The following HMGA2 variants were observed in gnomAD, a reference collection of about 807,000 sequenced individuals.
HMGA2 encodes high mobility group protein HMGI-C.
In HMGA2, 8 loss-of-function variants were observed where a neutral mutation model predicts 19.1. That is an observed-to-expected ratio of 0.42 (90% confidence interval 0.25 to 0.76). HMGA2 has a LOEUF of 0.76. Among genes scored for constraint, HMGA2 ranks in the 30% least tolerant of loss-of-function variants. The pLI is 0.28. For missense variants in HMGA2, 109 were observed against 136.3 expected (o/e 0.80, Z 1.00); for synonymous variants, 60 against 48.8 (o/e 1.23, Z -0.96).
At chr12:65,859,969 T>G in intron 3 of HMGA2, 1 of 425,894 alleles carries the variant, frequency 2.3e-6, no homozygotes, top group Admixed American at 2.6e-5. Context: ...GGCACACACC[T>G]ATAGTCCCAG....
chr12:65,951,458 A>T (rs1270519929), intron 4 of HMGA2, 43 bp downstream of exon 4: 4 of 1,249,200 alleles, frequency 3.2e-6, no homozygotes, highest in Middle Eastern at 1.8e-4. Flanking sequence ...TTAATATAAA[A>T]AGTGAAATAT....
At chr12:65,935,343 C>T (rs1045168609) in intron 3 of HMGA2, among the ~76,000 whole-genome samples, 2 of 152,188 alleles carry the variant, frequency 1.3e-5, no homozygotes, top group Non-Finnish European at 2.9e-5. Context: ...GGCTGCTTAA[C>T]ATTTGCTCGA....
chr12:65,872,062 C>T (rs1189318738), intron 3 of HMGA2, among the ~76,000 whole-genome samples: 1 of 152,110 alleles, frequency 6.6e-6, no homozygotes, highest in Non-Finnish European at 1.5e-5. Flanking sequence ...AGGATGCCAG[C>T]CAAATGAAAC....
At chr12:65,887,536 C>T (rs1219012358) in intron 3 of HMGA2, among the ~76,000 whole-genome samples, 2 of 152,062 alleles carry the variant, frequency 1.3e-5, no homozygotes, top group Non-Finnish European at 2.9e-5. Flanking sequence ...GCCTGGCCAA[C>T]ACAGTGAAAC....
At chr12:65,952,520 A>T in intron 4 of HMGA2, 1 of 1,442,922 alleles carries the variant, frequency 6.9e-7, no homozygotes, top group East Asian at 2.5e-5. Flanking sequence ...ATAAAAACAG[A>T]GTTACCATGA....
chr12:65,872,526 T>C (rs776453581), intron 3 of HMGA2, among the ~76,000 whole-genome samples: 1 of 152,238 alleles, frequency 6.6e-6, no homozygotes, highest in African/African-American at 2.4e-5. Flanking sequence ...AGTGCCATCA[T>C]ACACCCGGTC....
intron 3 of HMGA2, chr12:65,857,461 C>G (rs1871800614): frequency 6.6e-6 from 1 of 152,148 alleles, no homozygotes; most frequent in African/African-American, 2.4e-5. Context: ...GTAATAAAGT[C>G]TAGAATAAAA....
chr12:65,900,133 A>G (rs1428706780), intron 3 of HMGA2, among the ~76,000 whole-genome samples: 1 of 152,184 alleles, frequency 6.6e-6, no homozygotes, highest in African/African-American at 2.4e-5. Context: ...AAATTAGGTC[A>G]TGTTTACTCT....
intron 3 of HMGA2, among the ~76,000 whole-genome samples, chr12:65,869,340 A>G (rs1363235679): frequency 1.3e-5 from 2 of 152,206 alleles, no homozygotes; most frequent in African/African-American, 2.4e-5. Flanking sequence ...GTATTTCAGG[A>G]ACCCTACCCA....
intron 4 of HMGA2, chr12:65,955,306 T>A (rs1876575077): frequency 6.6e-6 from 1 of 152,078 alleles, no homozygotes; most frequent in African/African-American, 2.4e-5. Flanking sequence ...TTTCTTTTTT[T>A]AAAAAAAGAA....
chr12:65,913,771 G>C (rs1470844200), intron 3 of HMGA2, among the ~76,000 whole-genome samples: 1 of 152,094 alleles, frequency 6.6e-6, no homozygotes, highest in Non-Finnish European at 1.5e-5. Context: ...GGGGTTCATG[G>C]GACCTGTCTC....
intron 3 of HMGA2, among the ~76,000 whole-genome samples, chr12:65,926,343 C>T (rs1208345786): frequency 6.6e-6 from 1 of 152,218 alleles, no homozygotes; most frequent in East Asian, 1.9e-4. Flanking sequence ...TTGGCAATTA[C>T]TCCAGTTACC....
intron 3 of HMGA2, chr12:65,942,694 C>T (rs1876130912): frequency 6.6e-6 from 1 of 152,156 alleles, no homozygotes; most frequent in South Asian, 2.1e-4. Flanking sequence ...CAACCATCTC[C>T]TGTAAAACAA....
At chr12:65,848,712 C>T (rs1008131752) in intron 3 of HMGA2, among the ~76,000 whole-genome samples, 26 of 152,050 alleles carry the variant, frequency 1.7e-4, no homozygotes, top group African/African-American at 6.0e-4. Context: ...AAAAATTAGC[C>T]GGGCGCGGTG....
chr12:65,853,925 T>C (rs1871599934), intron 3 of HMGA2, among the ~76,000 whole-genome samples: 1 of 152,238 alleles, frequency 6.6e-6, no homozygotes, highest in African/African-American at 2.4e-5. Context: ...CCAGACACTG[T>C]AGTTAATCTA....
intron 3 of HMGA2, among the ~76,000 whole-genome samples, chr12:65,944,414 C>A (rs1876190476): frequency 6.6e-6 from 1 of 152,142 alleles, no homozygotes; most frequent in African/African-American, 2.4e-5. Flanking sequence ...AGTCCTGGTG[C>A]TCTGGAAGAA....
chr12:65,881,418 C>T (rs535297590), intron 3 of HMGA2: 13 of 362,868 alleles, frequency 3.6e-5, no homozygotes, highest in Non-Finnish European at 5.0e-5. Flanking sequence ...GGGTTAATCA[C>T]GTGCTTGCTG....
chr12:65,875,472 G>C (rs1655972552), intron 3 of HMGA2, among the ~76,000 whole-genome samples: 1 of 151,976 alleles, frequency 6.6e-6, no homozygotes, highest in South Asian at 2.1e-4. Flanking sequence ...TGCCCAGGCT[G>C]GAGTGCAGTG....
chr12:65,942,943 T>C (rs1876139517), intron 3 of HMGA2, among the ~76,000 whole-genome samples: 1 of 152,228 alleles, frequency 6.6e-6, no homozygotes, highest in Non-Finnish European at 1.5e-5. Context: ...GGAATTTTTT[T>C]TCAGTGACCT....
Sources: allele counts gnomAD v4.1 joint callset (sites outside exome capture counted in the v4.1 genomes callset), GRCh38; gene constraint gnomAD v4.1.1; transcripts MANE v1.5; gene names NCBI Gene and HGNC (gene_info 2026-07-23, HGNC 2026-07-21).